The following ASIC2 variants were observed in gnomAD, a reference collection of about 807,000 sequenced individuals.
ASIC2 encodes acid-sensing ion channel 2.
In ASIC2, 25 loss-of-function variants were observed where a neutral mutation model predicts 57.3. The observed-to-expected ratio is 0.44, with a 90% CI of 0.32 to 0.61. The LOEUF (loss-of-function observed/expected upper bound fraction) is 0.61. ASIC2 is among the 20% of genes least tolerant of loss of function. The probability of loss-of-function intolerance (pLI) is 0.06; values close to 1 mark genes in which losing one functional copy is unlikely to be tolerated. For missense variants in ASIC2, 641 were observed against 738.1 expected (o/e 0.87, Z 1.52); for synonymous variants, 319 against 307.5 (o/e 1.04, Z -0.39).
At chr17:33,019,905 C>G (rs2091828037) in intron 7 of ASIC2, among the ~76,000 whole-genome samples, 1 of 151,880 alleles carries the variant, frequency 6.6e-6, no homozygotes, top group Non-Finnish European at 1.5e-5. Flanking sequence ...GACTGTGAGC[C>G]TATGCTGGGG....
chr17:33,303,727 T>A (rs562383385), intron 1 of ASIC2, among the ~76,000 whole-genome samples: 88 of 152,328 alleles, frequency 5.8e-4, no homozygotes, highest in African/African-American at 2.0e-3. Flanking sequence ...CCTTTCTTCC[T>A]TCTTTCCTTC....
chr17:33,520,016 T>G (rs1914693114), intron 1 of ASIC2, among the ~76,000 whole-genome samples: 1 of 152,236 alleles, frequency 6.6e-6, no homozygotes, highest in African/African-American at 2.4e-5. Context: ...AAACAAATGC[T>G]GTTAAACATT....
At chr17:33,050,729 T>G (rs1177136272) in intron 3 of ASIC2, among the ~76,000 whole-genome samples, 1 of 152,072 alleles carries the variant, frequency 6.6e-6, no homozygotes, top group Non-Finnish European at 1.5e-5. Flanking sequence ...ACAAATAACC[T>G]TCATTCAAGC....
intron 1 of ASIC2, among the ~76,000 whole-genome samples, chr17:33,473,386 G>A (rs1913117013): frequency 6.6e-6 from 1 of 152,232 alleles, no homozygotes. Flanking sequence ...GAAGGATGCA[G>A]AATGAATGGA....
At chr17:33,509,559 C>T (rs748248926) in intron 1 of ASIC2, among the ~76,000 whole-genome samples, 1 of 152,192 alleles carries the variant, frequency 6.6e-6, no homozygotes, top group Non-Finnish European at 1.5e-5. Context: ...AGTTAGCAGA[C>T]AAATCATAAC....
In ASIC2 at chr17:33,967,895, C is replaced by T. The variant is rs192028228; in HGVS notation, c.555+188083G>A. Among the ~76,000 whole-genome samples the T allele has an allele frequency of 5.9e-5, 9 of 152,276 alleles. No homozygotes were observed. The East Asian group carries it at 1.7e-3, about 29-fold the overall frequency. ...CCCATGCCTGGTTTAATGCTCTGCT[C>T]TCACTGTGTGGAAATTGTTAAAGCT... On this transcript the variant is annotated intron_variant, in intron 1 of 9. Transcript: ENST00000359872.
At chr17:33,354,112 A>G (rs1421546283) in intron 1 of ASIC2, among the ~76,000 whole-genome samples, 2 of 152,198 alleles carry the variant, frequency 1.3e-5, no homozygotes, top group East Asian at 1.9e-4. Flanking sequence ...CTTATTCACT[A>G]TCATGAGAAC....
At chr17:33,913,032 T>C (rs1403868026) in intron 1 of ASIC2, among the ~76,000 whole-genome samples, 1 of 152,068 alleles carries the variant, frequency 6.6e-6, no homozygotes, top group African/African-American at 2.4e-5. Context: ...AATTAAATTC[T>C]AATTGCTCTA....
At chr17:33,865,766 A>C (rs1455501915) in intron 1 of ASIC2, among the ~76,000 whole-genome samples, 6 of 80,028 alleles carry the variant, frequency 7.5e-5, no homozygotes, top group Admixed American at 1.2e-4. Flanking sequence ...AAATAAAAAA[A>C]AAAAACAAAA....
chr17:34,020,548 A>G (rs1907122544), intron 1 of ASIC2, among the ~76,000 whole-genome samples: 1 of 152,206 alleles, frequency 6.6e-6, no homozygotes, highest in African/African-American at 2.4e-5. Context: ...CGAGCAGAAG[A>G]AGTTAGAGAG....
In ASIC2 at chr17:33,184,974, C is replaced by T. The variant is rs902646443; in HGVS notation, c.709-72907G>A. Among the ~76,000 whole-genome samples the T allele has an allele frequency of 5.3e-5, 8 of 152,122 alleles. 1 individual carries two copies. The highest frequency in any genetic ancestry group is 4.6e-4 in the Admixed American group (7 of 15,278). On this transcript the variant is annotated intron_variant, in intron 1 of 9. Transcript: ENST00000225823. ...TCTATATATCTCAAGAGTAATCAAC[C>T]CTATCACTCCTTTGAGAGCATTAAT...
At chr17:33,381,671 A>T (rs1211733017) in intron 1 of ASIC2, among the ~76,000 whole-genome samples, 1 of 152,154 alleles carries the variant, frequency 6.6e-6, no homozygotes, top group African/African-American at 2.4e-5. Flanking sequence ...GTATAGAAAG[A>T]GCTGCTCATG....
chr17:33,243,357 G>A (rs997613195), intron 1 of ASIC2, among the ~76,000 whole-genome samples: 1 of 152,096 alleles, frequency 6.6e-6, no homozygotes, highest in African/African-American at 2.4e-5. Context: ...TTAGTAAATC[G>A]TAGGACTGCA....
intron 1 of ASIC2, among the ~76,000 whole-genome samples, chr17:33,488,862 A>G (rs1327612806): frequency 1.3e-5 from 2 of 151,988 alleles, no homozygotes; most frequent in East Asian, 1.9e-4. Flanking sequence ...CATCCCCATG[A>G]TGGTACAACT....
intron 1 of ASIC2, among the ~76,000 whole-genome samples, chr17:34,151,123 A>AT (rs1904509853): frequency 8.8e-6 from 1 of 113,950 alleles, no homozygotes; most frequent in Non-Finnish European, 2.0e-5. Flanking sequence ...AAAAAAAAAA[A>AT]AATAAAGAGG....
intron 1 of ASIC2, among the ~76,000 whole-genome samples, chr17:33,812,697 G>T (rs1452083996): frequency 6.6e-6 from 1 of 152,188 alleles, no homozygotes; most frequent in Non-Finnish European, 1.5e-5. Context: ...CAAGAGGGAT[G>T]TGGAAATGAC....
intron 1 of ASIC2, among the ~76,000 whole-genome samples, chr17:33,631,621 CACATTG>C (rs1172746408): frequency 6.6e-6 from 1 of 152,004 alleles, no homozygotes; most frequent in African/African-American, 2.4e-5. Context: ...TTATGCCTGG[CACATTG>C]ACAGAGAGGA....
intron 1 of ASIC2, among the ~76,000 whole-genome samples, chr17:34,056,368 C>A (rs1908765351): frequency 6.6e-6 from 1 of 152,170 alleles, no homozygotes; most frequent in African/African-American, 2.4e-5. Flanking sequence ...AATACCTCAA[C>A]ATCTTGTGGA....
chr17:34,132,464 T>C (rs575867407), intron 1 of ASIC2, among the ~76,000 whole-genome samples: 1 of 151,906 alleles, frequency 6.6e-6, no homozygotes, highest in African/African-American at 2.4e-5. Context: ...ATGTTCTGTT[T>C]TTGTCCTATC....
Sources: gnomAD v4.1 joint callset for allele counts (sites outside exome capture counted in the v4.1 genomes callset) on GRCh38, gnomAD v4.1.1 for gene constraint, MANE v1.5 for transcripts, NCBI Gene and HGNC (gene_info 2026-07-23, HGNC 2026-07-21) for gene names.